The following KCNQ3 variants were observed in gnomAD, a reference collection of about 807,000 sequenced individuals.
KCNQ3 encodes potassium voltage-gated channel subfamily KQT member 3.
A neutral mutation model predicts 92.5 loss-of-function variants in KCNQ3; 30 were observed. The ratio of observed to expected loss-of-function variants is 0.32; its 90% CI spans 0.24 to 0.44. The LOEUF (loss-of-function observed/expected upper bound fraction) is 0.44, where lower values mean the gene tolerates loss of function less well. Ranked by LOEUF, KCNQ3 falls within the 20% of genes least tolerant of loss-of-function variation. KCNQ3 has a pLI of 1.00. For missense variants in KCNQ3, 913 were observed against 1,140.3 expected (o/e 0.80, Z 2.87); for synonymous variants, 450 against 468.8 (o/e 0.96, Z 0.52).
chr8:132,447,614 T>A (rs1245232009), intron 1 of KCNQ3, among the ~76,000 whole-genome samples: 1 of 151,958 alleles, frequency 6.6e-6, no homozygotes, highest in Non-Finnish European at 1.5e-5. Flanking sequence ...GGAGATAAGA[T>A]AAAACAGAAA....
chr8:132,299,703 A>G (rs566581248), intron 1 of KCNQ3, among the ~76,000 whole-genome samples: 2 of 152,330 alleles, frequency 1.3e-5, no homozygotes, highest in Admixed American at 1.3e-4. Flanking sequence ...GGTTTTGGAA[A>G]ATATCACACA....
rs1824812824 is a variant in KCNQ3 at position 132,129,933 on chromosome 8, A to G, written c.1948T>C (p.Leu650=). Residue 650 remains leucine (L), a synonymous_variant, in exon 15 of 15, where the codon TTG becomes CTG. Transcript: ENST00000388996. The surrounding 1 kb of genome is among the most constrained non-coding windows in gnomAD (Gnocchi z 5.9). Reference sequence around the variant, plus strand: ...TAATACTCCGTGACCTGCACCTGCAACCGTTCCATGTGTTGCATGTGCATA... The same window carrying G: ...TAATACTCCGTGACCTGCACCTGCAGCCGTTCCATGTGTTGCATGTGCATA... The part of the protein sequence containing the change: ...VDMHMQHMER[L]QVQVTEYYPT... The G allele has an allele frequency of 1.9e-6, 3 of 1,613,958 alleles. No homozygotes were observed. The highest frequency in any genetic ancestry group is 2.5e-6 in the Non-Finnish European group (3 of 1,179,964).
chr8:132,220,229 C>T (rs561276024), intron 1 of KCNQ3, among the ~76,000 whole-genome samples: 1 of 152,166 alleles, frequency 6.6e-6, no homozygotes, highest in Admixed American at 6.5e-5. Flanking sequence ...CTGCAGCAGA[C>T]TAGACTGACT....
intron 1 of KCNQ3, among the ~76,000 whole-genome samples, chr8:132,393,131 C>T (rs1387762514): frequency 6.6e-6 from 1 of 152,226 alleles, no homozygotes; most frequent in Non-Finnish European, 1.5e-5. Flanking sequence ...AATGGCTTCA[C>T]AGGCAGAGCT....
At chr8:132,201,903 A>G (rs1003597932) in intron 1 of KCNQ3, among the ~76,000 whole-genome samples, 1 of 152,196 alleles carries the variant, frequency 6.6e-6, no homozygotes, top group Non-Finnish European at 1.5e-5. Context: ...CCCAGGCTAT[A>G]TGCAATATCC....
intron 1 of KCNQ3, among the ~76,000 whole-genome samples, chr8:132,347,017 TG>T (rs1818709511): frequency 6.6e-6 from 1 of 152,190 alleles, no homozygotes; most frequent in South Asian, 2.1e-4. Context: ...GTGAAGATGC[TG>T]GTAGTTTTGC....
At chr8:132,409,806 C>T (rs1236288501) in intron 1 of KCNQ3, among the ~76,000 whole-genome samples, 4 of 152,190 alleles carry the variant, frequency 2.6e-5, no homozygotes, top group Admixed American at 2.6e-4. Flanking sequence ...GTTGGATATG[C>T]AGCCCCATTC....
At chr8:132,194,335 G>A (rs1827246358) in intron 1 of KCNQ3, among the ~76,000 whole-genome samples, 1 of 152,192 alleles carries the variant, frequency 6.6e-6, no homozygotes, top group Admixed American at 6.5e-5. Flanking sequence ...ACTGCGTGAG[G>A]ATCCTACTGA....
At chr8:132,437,288 T>A (rs538396336) in intron 1 of KCNQ3, among the ~76,000 whole-genome samples, 2,390 of 145,174 alleles carry the variant, frequency 0.016, 34 homozygotes, top group Middle Eastern at 0.031. Flanking sequence ...AAAAAAAAAA[T>A]AAAAATAAAA....
At chr8:132,247,057 AGAC>A (rs1320543580) in intron 1 of KCNQ3, among the ~76,000 whole-genome samples, 1 of 152,220 alleles carries the variant, frequency 6.6e-6, no homozygotes, top group Non-Finnish European at 1.5e-5. Context: ...TCTCTATCAA[AGAC>A]AAGCTGAGGT....
At chr8:132,254,750 G>A (rs1483202584) in intron 1 of KCNQ3, among the ~76,000 whole-genome samples, 1 of 152,136 alleles carries the variant, frequency 6.6e-6, no homozygotes, top group African/African-American at 2.4e-5. Context: ...GTGGTGGCAT[G>A]TGCATTCAGT....
intron 1 of KCNQ3, among the ~76,000 whole-genome samples, chr8:132,200,650 C>T (rs1364982512): frequency 6.6e-6 from 1 of 152,140 alleles, no homozygotes; most frequent in Non-Finnish European, 1.5e-5. Context: ...ATGGAGGTCT[C>T]TTTAAAGAAA....
chr8:132,477,106 A>C (rs2721910), intron 1 of KCNQ3, among the ~76,000 whole-genome samples: 36,442 of 151,934 alleles, frequency 0.24, 5,455 homozygotes, highest in East Asian at 0.35. Context: ...CATGATTGTA[A>C]GTTTCCTGAG....
chr8:132,327,570 G>A (rs1818096067), intron 1 of KCNQ3, among the ~76,000 whole-genome samples: 2 of 152,134 alleles, frequency 1.3e-5, no homozygotes, highest in Non-Finnish European at 2.9e-5. Flanking sequence ...ATAGGGGAAG[G>A]AATCTGCAAG....
intron 1 of KCNQ3, among the ~76,000 whole-genome samples, chr8:132,205,764 G>T (rs1260881179): frequency 6.6e-6 from 1 of 152,204 alleles, no homozygotes; most frequent in Non-Finnish European, 1.5e-5. Context: ...CCCTCTTGTA[G>T]GTGGAGATAT....
intron 1 of KCNQ3, among the ~76,000 whole-genome samples, chr8:132,293,979 A>C (rs1315944671): frequency 6.8e-6 from 1 of 146,036 alleles, no homozygotes; most frequent in Non-Finnish European, 1.5e-5. Context: ...GGGTTCACTA[A>C]GGGTTTTTTG....
At chr8:132,287,468 A>G (rs1816709436) in intron 1 of KCNQ3, among the ~76,000 whole-genome samples, 1 of 152,258 alleles carries the variant, frequency 6.6e-6, no homozygotes, top group East Asian at 1.9e-4. Context: ...TTTGTACACA[A>G]ATATTCACAA....
At chr8:132,299,622 G>T (rs1409373835) in intron 1 of KCNQ3, among the ~76,000 whole-genome samples, 1 of 152,172 alleles carries the variant, frequency 6.6e-6, no homozygotes, top group Non-Finnish European at 1.5e-5. Flanking sequence ...GAATGCAAAA[G>T]GGGGAAGGAA....
chr8:132,240,052 T>C (rs1814936417), intron 1 of KCNQ3, among the ~76,000 whole-genome samples: 1 of 152,216 alleles, frequency 6.6e-6, no homozygotes, highest in South Asian at 2.1e-4. Context: ...GCAGCTTGCG[T>C]CTAATGCATC....
Sources: gnomAD v4.1 joint callset for allele counts (sites outside exome capture counted in the v4.1 genomes callset) on GRCh38, gnomAD v4.1.1 for gene constraint, Gnocchi (gnomAD v3.1) non-coding constraint, MANE v1.5 for transcripts, NCBI Gene and HGNC (gene_info 2026-07-23, HGNC 2026-07-21) for gene names.